SMARCA2: variants seen among roughly 807,000 people sequenced by gnomAD.
SMARCA2 encodes SWI/SNF related BAF chromatin remodeling complex subunit ATPase 2, also known as SWI/SNF-related matrix-associated actin-dependent regulator of chromatin subfamily A member 2.
A neutral mutation model predicts 199.8 loss-of-function variants in SMARCA2; 61 were observed. The ratio of observed to expected loss-of-function variants is 0.31; its 90% CI spans 0.25 to 0.38. SMARCA2 has a LOEUF of 0.38. SMARCA2 is among the 10% of genes least tolerant of loss of function. The probability of loss-of-function intolerance (pLI) is 1.00; values close to 1 mark genes in which losing one functional copy is unlikely to be tolerated. For synonymous variants in SMARCA2, 935 were observed against 732.0 expected (o/e 1.28, Z -4.48); for missense variants, 1,344 against 2,012.2 (o/e 0.67, Z 6.35).
intron 19 of SMARCA2, among the ~76,000 whole-genome samples, chr9:2,088,925 C>T (rs1821927929): frequency 2.1e-5 from 3 of 142,056 alleles, no homozygotes; most frequent in Admixed American, 1.4e-4. Context: ...TTCACTGTTG[C>T]AGGCACTGTA....
chr9:2,130,302 C>G lies in SMARCA2; in HGVS notation c.3981+6365C>G, dbSNP rs76865412. Among the ~76,000 whole-genome samples, 271 of 152,326 alleles carry G rather than the reference C, an allele frequency of 1.8e-3. 9 individuals are homozygous for G. In the East Asian group the frequency reaches 0.048, roughly 27 times the overall value. On this transcript the variant is annotated intron_variant, in intron 27 of 33. Transcript: ENST00000349721. ...ACTTCCTGTTCCCGAGTGATAGCAC[C>G]ATGTGCTGTGGCTTCTTGTGCCATT...
At chr9:2,041,027 G>T in intron 4 of SMARCA2, 1 of 233,520 alleles carries the variant, frequency 4.3e-6, no homozygotes, top group Admixed American at 5.6e-5. Flanking sequence ...CATTCATTTA[G>T]GCAAGTTCTG....
rs949536793 is a variant in SMARCA2 at position 2,170,708 on chromosome 9, A to C, written c.4253+236A>C. On this transcript the variant is annotated intron_variant, in intron 29 of 33. Coordinates refer to ENST00000349721, the MANE Select transcript of SMARCA2 (RefSeq NM_003070.5). This position sits in a 1 kb window ranked among gnomAD's most constrained non-coding sequence, Gnocchi z 4.7. ...CCAATTCTATACATGCACTCCTTAC[A>C]AGGGTATTGGGAGCTCCTGGAAAGC... Among the ~76,000 whole-genome samples, 15 of 152,246 alleles carry C rather than the reference A, an allele frequency of 9.9e-5. No individual in the cohort carries two copies. Among genetic ancestry groups the C allele is most frequent in the Middle Eastern group, 3.4e-3 (1 of 294 alleles).
chr9:2,175,247 G>A (rs10757230), intron 29 of SMARCA2, among the ~76,000 whole-genome samples: 116,456 of 151,674 alleles, frequency 0.77, 45,397 homozygotes, highest in Non-Finnish European at 0.85. Flanking sequence ...CAGTATTTCC[G>A]AAAGCTGAGT....
intron 1 of SMARCA2, among the ~76,000 whole-genome samples, chr9:2,018,656 T>C (rs1218254916): frequency 1.3e-5 from 2 of 152,272 alleles, no homozygotes; most frequent in Non-Finnish European, 2.9e-5. Context: ...CTGAACAGAA[T>C]GCTTGCATAA....
chr9:2,089,499 A>C (rs966257283), intron 19 of SMARCA2, among the ~76,000 whole-genome samples: 5 of 152,124 alleles, frequency 3.3e-5, no homozygotes, highest in Non-Finnish European at 5.9e-5. Context: ...CATCCTGTTC[A>C]TTTTTAAGTG....
In SMARCA2 at chr9:2,029,230, A is replaced by T. The variant is rs143478968; in HGVS notation, c.208A>T (p.Met70Leu). 9 of 1,611,420 alleles carry T rather than the reference A, an allele frequency of 5.6e-6. No individual in the cohort carries two copies. The African/African-American group carries it at 9.3e-5, about 17-fold the overall frequency. Residue 70 changes from methionine (M) to leucine (L), a missense_variant, in exon 2 of 34, where the codon ATG (methionine) becomes TTG (leucine). By Grantham distance (15) the Met-to-Leu change is conservative (BLOSUM62 2). Around this residue, in one of 18 missense-constraint regions of SMARCA2, gnomAD observed 275 missense variants for 247.5 expected, o/e 1.11. Coordinates refer to ENST00000349721, the MANE Select transcript of SMARCA2 (RefSeq NM_003070.5). ...GTCCACAGACTTCCCACAGGAAGGC[A>T]TGCATCAAATGCATAAGGTAAGAGT... ...MGSTDFPQEG[M>L]HQMHKPIDGI...
rs1296616277 is a variant in SMARCA2 at position 2,119,187 on chromosome 9, G to A, written c.3685-271G>A. On this transcript the variant is annotated intron_variant, in intron 25 of 33. Transcript: ENST00000349721. This position sits in a 1 kb window ranked among gnomAD's most constrained non-coding sequence, Gnocchi z 4.6. ...GAAGCGAGGAGACATTAAGTAACTT[G>A]TTGTAAAAGTAACAGAATCAAGATA... 6.6e-6 allele frequency among the ~76,000 whole-genome samples: 1 copy of A among 152,186 alleles called. No individual in the cohort carries two copies. The highest frequency in any genetic ancestry group is 2.4e-5 in the African/African-American group (1 of 41,452).
intron 27 of SMARCA2, among the ~76,000 whole-genome samples, chr9:2,128,202 G>T (rs1261689306): frequency 6.6e-6 from 1 of 152,136 alleles, no homozygotes; most frequent in East Asian, 1.9e-4. Flanking sequence ...CGAGCATCCT[G>T]GTTCTCTTGC....
At chr9:2,073,443 G>A (rs1174914633) in intron 11 of SMARCA2, 101 bp downstream of exon 11, 1 of 1,517,660 alleles carries the variant, frequency 6.6e-7, no homozygotes, top group Non-Finnish European at 9.0e-7. Context: ...TTGCTGAGAT[G>A]GTTGAAGTTG....
In SMARCA2 at chr9:2,192,733, T is replaced by G. The variant is rs1827974479; in HGVS notation, c.4767T>G (p.Asp1589Glu). ...REQSEGSGTD[D>E]E is the part of the protein sequence containing the mutation. ...AGTCAGAAGGAAGTGGGACGGATGA[T>G]GAGTGATCAGTATGGACCTTTTTCC... Residue 1589 changes from aspartate (D) to glutamate (E), a missense_variant, in exon 34 of 34, where the codon GAT (aspartate) becomes GAG (glutamate). Asp to Glu is a conservative substitution (Grantham distance 45). Around this residue, in one of 18 missense-constraint regions of SMARCA2, gnomAD observed 155 missense variants for 121.1 expected, o/e 1.28. Coordinates refer to ENST00000349721, the MANE Select transcript of SMARCA2 (RefSeq NM_003070.5). 2 of 1,609,036 alleles carry G rather than the reference T, an allele frequency of 1.2e-6. No homozygotes were observed. Among genetic ancestry groups the G allele is most frequent in the Admixed American group, 1.7e-5 (1 of 60,000 alleles).
chr9:2,040,253 C>CA (rs1819548553), intron 4 of SMARCA2: 1 of 478,988 alleles, frequency 2.1e-6, no homozygotes, highest in Non-Finnish European at 3.6e-6. Flanking sequence ...CCCCAGAACT[C>CA]ACTGCTCAGA....
intron 26 of SMARCA2, among the ~76,000 whole-genome samples, chr9:2,121,467 A>C (rs1373810222): frequency 1.3e-5 from 2 of 152,216 alleles, no homozygotes; most frequent in East Asian, 3.9e-4. Context: ...CCAATTCACT[A>C]TTCCTTAGCA....
At chr9:2,030,937 T>C (rs1819037617) in intron 2 of SMARCA2, among the ~76,000 whole-genome samples, 1 of 152,228 alleles carries the variant, frequency 6.6e-6, no homozygotes, top group African/African-American at 2.4e-5. Flanking sequence ...GAAAGTAATA[T>C]ATGGTTATTT....
In SMARCA2 at chr9:2,096,829, A is replaced by C; in HGVS notation, c.2991+65A>C. On this transcript the variant is annotated intron_variant, in intron 20 of 33. Coordinates refer to ENST00000349721, the MANE Select transcript of SMARCA2 (RefSeq NM_003070.5). ...ATGTCTTCTCATGGCTGTGACATTG[A>C]ATATTCACAGGAAGCATCCCTGCTA... 3 of 960,068 alleles carry C rather than the reference A, an allele frequency of 3.1e-6. No individual in the cohort carries two copies. In the South Asian group the frequency reaches 3.9e-5, roughly 12 times the overall value. 59.5% of individuals were successfully genotyped at this position (960,068 alleles called of 1,614,324 possible). A position where few individuals can be genotyped will look rare whatever the true frequency, so the allele number is the denominator to read the frequency against.
At chr9:2,084,220 C>G (rs372202222) in intron 17 of SMARCA2, 24 bp downstream of exon 17, 2 of 1,288,522 alleles carry the variant, frequency 1.6e-6, no homozygotes, top group African/African-American at 2.9e-5. Context: ...AAATTATTTT[C>G]TCTCTAATTA....
At chr9:2,160,661 G>C (rs1186804697) in intron 27 of SMARCA2, 1 of 609,252 alleles carries the variant, frequency 1.6e-6, no homozygotes, top group African/African-American at 1.8e-5. Flanking sequence ...TACGAGAAAG[G>C]ATTGATTATC....
rs1175769743 is a variant in SMARCA2 at position 2,112,519 on chromosome 9, C to CT, written c.3456+2105dup. ...ACTTTCTCTCTAGCTCTGTTAAAAA[C>CT]TTTGAACTCTAGAATCAAAGTAAAT... On this transcript the variant is annotated intron_variant, in intron 24 of 33. Transcript: ENST00000349721. 4.6e-5 allele frequency among the ~76,000 whole-genome samples: 7 copies of CT among 151,592 alleles called. No homozygotes were observed. The East Asian group carries it at 1.4e-3, about 30-fold the overall frequency.
At chr9:2,067,735 C>T (rs1023537343) in intron 9 of SMARCA2, among the ~76,000 whole-genome samples, 2 of 152,258 alleles carry the variant, frequency 1.3e-5, no homozygotes, top group Non-Finnish European at 2.9e-5. Flanking sequence ...AATTGCAGAA[C>T]CAAATGTCTT....
Sources: gnomAD v4.1 joint callset for allele counts (sites outside exome capture counted in the v4.1 genomes callset) on GRCh38, gnomAD v4.1.1 for gene constraint, gnomAD v4.1.1 regional missense constraint, Gnocchi (gnomAD v3.1) non-coding constraint, MANE v1.5 for transcripts, NCBI Gene and HGNC (gene_info 2026-07-23, HGNC 2026-07-21) for gene names.